ETV6: variants seen among roughly 807,000 people sequenced by gnomAD.
ETV6 encodes ETS variant transcription factor 6, also known as transcription factor ETV6.
Under a neutral mutation model 51.1 loss-of-function variants are expected in ETV6, and 16 were observed. That is an observed-to-expected ratio of 0.31 (90% CI 0.21 to 0.48). The LOEUF (loss-of-function observed/expected upper bound fraction) is 0.48, where lower values mean the gene tolerates loss of function less well. Among genes scored for constraint, ETV6 ranks in the 20% least tolerant of loss-of-function variants. The probability of loss-of-function intolerance (pLI) is 0.99; values close to 1 mark genes in which losing one functional copy is unlikely to be tolerated. For missense variants in ETV6, 458 were observed against 594.8 expected (o/e 0.77, Z 2.39); for synonymous variants, 240 against 224.1 (o/e 1.07, Z -0.64).
intron 7 of ETV6, among the ~76,000 whole-genome samples, chr12:11,890,311 A>G (rs1485312061): frequency 6.7e-6 from 1 of 150,078 alleles, no homozygotes; most frequent in African/African-American, 2.5e-5. Context: ...GTAAAATCTA[A>G]TTCTGTAAAA....
At chr12:11,843,143 G>A (rs572262724) in intron 3 of ETV6, among the ~76,000 whole-genome samples, 20 of 152,324 alleles carry the variant, frequency 1.3e-4, no homozygotes, top group Non-Finnish European at 2.8e-4. Flanking sequence ...CCTGCCAGCA[G>A]GGCCTGTAGG....
intron 1 of ETV6, among the ~76,000 whole-genome samples, chr12:11,743,673 C>T (rs756386878): frequency 2.0e-5 from 3 of 152,206 alleles, no homozygotes; most frequent in Non-Finnish European, 4.4e-5. Context: ...TCTTATTAGG[C>T]ATGTGTGGTC....
chr12:11,743,191 C>T (rs1865842326), intron 1 of ETV6, among the ~76,000 whole-genome samples: 1 of 152,204 alleles, frequency 6.6e-6, no homozygotes, highest in African/African-American at 2.4e-5. Context: ...ACTGAGGAGA[C>T]ATTGACTCAT....
chr12:11,748,131 T>TCCC (rs1865941480), intron 1 of ETV6, among the ~76,000 whole-genome samples: 1 of 152,186 alleles, frequency 6.6e-6, no homozygotes, highest in African/African-American at 2.4e-5. Flanking sequence ...GGGTTGCAGG[T>TCCC]TTCTTCACAG....
chr12:11,858,065 A>T (rs1161601612), intron 4 of ETV6, among the ~76,000 whole-genome samples: 2 of 152,198 alleles, frequency 1.3e-5, no homozygotes, highest in East Asian at 3.8e-4. Context: ...ACTTCAGATA[A>T]TGTTGCCCCT....
intron 1 of ETV6, among the ~76,000 whole-genome samples, chr12:11,654,112 C>T (rs1033729572): frequency 3.3e-5 from 5 of 152,046 alleles, no homozygotes; most frequent in African/African-American, 1.2e-4. Context: ...CTGCGTCCAG[C>T]GTAATGTTTT....
At chr12:11,733,304 AG>A (rs1249567138) in intron 1 of ETV6, among the ~76,000 whole-genome samples, 3 of 144,262 alleles carry the variant, frequency 2.1e-5, no homozygotes, top group East Asian at 4.3e-4. Flanking sequence ...GCTGCTCGGG[AG>A]GCTGAGGCAG....
intron 1 of ETV6, among the ~76,000 whole-genome samples, chr12:11,714,011 A>T (rs899154476): frequency 6.6e-6 from 1 of 152,208 alleles, no homozygotes; most frequent in Non-Finnish European, 1.5e-5. Context: ...AGCTGAGTCC[A>T]ATTCTTCTCT....
chr12:11,674,980 A>C (rs939031281), intron 1 of ETV6, among the ~76,000 whole-genome samples: 18 of 152,176 alleles, frequency 1.2e-4, no homozygotes, highest in Non-Finnish European at 2.1e-4. Context: ...GAAGGGATTT[A>C]ATGCATCATG....
intron 1 of ETV6, among the ~76,000 whole-genome samples, chr12:11,733,407 CAAAAAAAAAAA>C (rs11394100): frequency 0.39 from 39,990 of 101,998 alleles, 6,377 homozygotes; most frequent in South Asian, 0.51. Context: ...GACTCCATCT[CAAAAAAAAAAA>C]AAAAAAAAAA....
intron 2 of ETV6, among the ~76,000 whole-genome samples, chr12:11,767,118 TA>T (rs1318423336): frequency 2.6e-5 from 4 of 152,144 alleles, no homozygotes; most frequent in Non-Finnish European, 5.9e-5. Context: ...GTTAATGAAA[TA>T]AAAAAGGCAC....
At chr12:11,875,894 T>C (rs193080053) in intron 5 of ETV6, among the ~76,000 whole-genome samples, 1 of 152,248 alleles carries the variant, frequency 6.6e-6, no homozygotes, top group African/African-American at 2.4e-5. Context: ...CAGAGTTGAG[T>C]AGTTACAACA....
At chr12:11,831,586 GA>G (rs920602685) in intron 2 of ETV6, among the ~76,000 whole-genome samples, 6 of 152,042 alleles carry the variant, frequency 3.9e-5, no homozygotes, top group Admixed American at 2.6e-4. Flanking sequence ...AAATAAGAAA[GA>G]AAAAAGGAAA....
At chr12:11,841,076 C>T (rs954559402) in intron 3 of ETV6, among the ~76,000 whole-genome samples, 1 of 152,222 alleles carries the variant, frequency 6.6e-6, no homozygotes, top group Non-Finnish European at 1.5e-5. Context: ...GCAAGCTTTC[C>T]TCCCAAGTCT....
At chr12:11,652,019 A>G (rs958333879) in intron 1 of ETV6, among the ~76,000 whole-genome samples, 9 of 152,202 alleles carry the variant, frequency 5.9e-5, no homozygotes, top group African/African-American at 2.2e-4. Context: ...ATACAGAACC[A>G]ATCCCAAGCA....
intron 1 of ETV6, among the ~76,000 whole-genome samples, chr12:11,681,176 A>G (rs1440895533): frequency 6.6e-6 from 1 of 152,230 alleles, no homozygotes. Context: ...AGCCGTCTGC[A>G]TCCGGGTTCC....
At chr12:11,777,588 C>T (rs570586071) in intron 2 of ETV6, among the ~76,000 whole-genome samples, 5 of 151,956 alleles carry the variant, frequency 3.3e-5, no homozygotes, top group South Asian at 2.1e-4. Context: ...TTCCATTGTC[C>T]CCTCCCCACC....
chr12:11,736,038 A>G (rs1865697797), intron 1 of ETV6, among the ~76,000 whole-genome samples: 1 of 152,242 alleles, frequency 6.6e-6, no homozygotes, highest in South Asian at 2.1e-4. Flanking sequence ...GTCACATAGT[A>G]GTTGACAATA....
intron 2 of ETV6, among the ~76,000 whole-genome samples, chr12:11,777,066 G>A (rs548521207): frequency 2.6e-5 from 4 of 152,086 alleles, no homozygotes; most frequent in East Asian, 1.9e-4. Flanking sequence ...GTGAAACCCC[G>A]TCTCTGCTAA....
Sources: gnomAD v4.1 joint callset for allele counts (sites outside exome capture counted in the v4.1 genomes callset) on GRCh38, gnomAD v4.1.1 for gene constraint, MANE v1.5 for transcripts, NCBI Gene and HGNC (gene_info 2026-07-23, HGNC 2026-07-21) for gene names.